TOX3: variants seen among roughly 807,000 people sequenced by gnomAD.
TOX3 encodes the protein CAG trinucleotide repeat-containing gene F9 protein.
Under a neutral mutation model 64.3 loss-of-function variants are expected in TOX3, and 22 were observed. The ratio of observed to expected loss-of-function variants is 0.34; its 90% CI spans 0.24 to 0.49. TOX3 has a LOEUF of 0.49. TOX3 is among the 20% of genes least tolerant of loss of function. TOX3 has a pLI of 0.99. For missense variants in TOX3, 661 were observed against 714.4 expected (o/e 0.93, Z 0.85); for synonymous variants, 291 against 273.6 (o/e 1.06, Z -0.63).
At position 52,439,390 on chromosome 16, in the gene TOX3, C is replaced by T. The variant is rs1168580565; in HGVS notation, c.1566G>A (p.Met522Ile). 1.3e-6 allele frequency: 2 copies of T among 1,595,910 alleles called. No individual in the cohort carries two copies. The highest frequency in any genetic ancestry group is 8.5e-7 in the Non-Finnish European group (1 of 1,170,380). The stretch of plus-strand genomic sequence containing the variant: ...GAGGAGAAGGCTGAGACTGGTGCTG[C>T]ATGTGTTGCAGCTGCTGCAGCTGGA... ...QRLQLQQLQH[M>I]QHQSQPSPRQ... The change falls in exon 7 of 7, where the codon ATG becomes ATA. Residue 522 changes from methionine to isoleucine, a missense_variant. Coordinates refer to ENST00000219746, the MANE Select transcript of TOX3 (RefSeq NM_001080430.4).
At chr16:52,500,150 AC>A (rs1276076105) in intron 1 of TOX3, among the ~76,000 whole-genome samples, 1 of 152,226 alleles carries the variant, frequency 6.6e-6, no homozygotes, top group Non-Finnish European at 1.5e-5. Flanking sequence ...ATTCTTAAAA[AC>A]GTATTAATGT....
At chr16:52,481,199 T>C (rs1961360726) in intron 1 of TOX3, among the ~76,000 whole-genome samples, 1 of 152,224 alleles carries the variant, frequency 6.6e-6, no homozygotes, top group African/African-American at 2.4e-5. Flanking sequence ...TGTGTTGCCT[T>C]TGGATATATC....
rs554990081 is a variant in TOX3, at chr16:52,468,527, C to T, written c.135G>A (p.Ala45=). ...NYMNMAEANN[A]FFAASEQTFH... ...CACCTACCTCACTGGCAGCGAAGAA[C>T]GCATTGTTCGCCTCAGCCATATTCA... is the stretch of plus-strand genomic sequence containing the variant. The change falls in exon 2 of 7, where the codon GCG becomes GCA. Residue 45 remains alanine, a synonymous_variant. Coordinates refer to ENST00000219746, the MANE Select transcript of TOX3 (RefSeq NM_001080430.4). The T allele has an allele frequency of 2.7e-5, 44 of 1,613,042 alleles. No homozygotes were observed. The Admixed American group carries it at 3.7e-4, about 13-fold the overall frequency.
At chr16:52,536,209 T>TAATCAAGA (rs997277220) in intron 1 of TOX3, among the ~76,000 whole-genome samples, 1 of 152,124 alleles carries the variant, frequency 6.6e-6, no homozygotes, top group Non-Finnish European at 1.5e-5. Context: ...AATAAATGAA[T>TAATCAAGA]AATCAAGAAA....
chr16:52,519,460 C>T (rs773423102), intron 1 of TOX3: 5 of 1,551,478 alleles, frequency 3.2e-6, no homozygotes, highest in South Asian at 1.2e-5. Flanking sequence ...GCCTGGCTCC[C>T]GAGCGAGGTT....
intron 1 of TOX3, among the ~76,000 whole-genome samples, chr16:52,499,824 C>A (rs185085815): frequency 5.5e-4 from 84 of 152,280 alleles, no homozygotes; most frequent in Non-Finnish European, 9.1e-4. Flanking sequence ...TTCCAGCCAC[C>A]CTAGGTACAA....
At chr16:52,477,085 G>T (rs1221317976) in intron 1 of TOX3, among the ~76,000 whole-genome samples, 3 of 152,174 alleles carry the variant, frequency 2.0e-5, no homozygotes, top group Non-Finnish European at 4.4e-5. Flanking sequence ...TAGGTACTGA[G>T]TATAGTACCC....
intron 1 of TOX3, among the ~76,000 whole-genome samples, chr16:52,496,395 C>T (rs1961851060): frequency 6.6e-6 from 1 of 152,170 alleles, no homozygotes; most frequent in South Asian, 2.1e-4. Flanking sequence ...TGAAAGATGT[C>T]TTTGTATTGT....
At chr16:52,501,920 A>G (rs887552496) in intron 1 of TOX3, among the ~76,000 whole-genome samples, 4 of 152,156 alleles carry the variant, frequency 2.6e-5, no homozygotes, top group African/African-American at 7.2e-5. Flanking sequence ...ACCATTCCCA[A>G]TTACCTGCAG....
intron 1 of TOX3, among the ~76,000 whole-genome samples, chr16:52,532,308 A>G (rs45577136): frequency 0.013 from 2,047 of 152,292 alleles, 19 homozygotes; most frequent in Non-Finnish European, 0.02. Context: ...TGCTTTAGCC[A>G]GTAGAATGTA....
intron 1 of TOX3, among the ~76,000 whole-genome samples, chr16:52,474,432 G>A (rs1188222259): frequency 6.6e-6 from 1 of 151,868 alleles, no homozygotes; most frequent in Non-Finnish European, 1.5e-5. Context: ...GTTTAGCCTG[G>A]GCAACATAGT....
At position 52,547,088 on chromosome 16, in the gene TOX3, T is replaced by C; in HGVS notation, c.-365A>G. The C allele has an allele frequency of 2.8e-6, 1 of 363,118 alleles. No individual in the cohort carries two copies. The highest frequency in any genetic ancestry group is 3.8e-6 in the Non-Finnish European group (1 of 263,850). The allele number at this position is 363,118 out of a possible 1,614,324, so 22.5% of individuals were successfully genotyped here. On this transcript the variant is annotated 5_prime_UTR_variant, in exon 1 of 7. Transcript: ENST00000219746. The stretch of plus-strand genomic sequence containing the variant: ...CTGGGACGGCGGCGGCGGCGGCGGC[T>C]GGCCCCGCTCCTCCTCCTCCTCCCC...
At position 52,451,464 on chromosome 16, in the gene TOX3, T is replaced by C. The variant is rs1960343914; in HGVS notation, c.409-918A>G. ...CTGCTTATTCTCTATTTTTTTTTAA[T>C]TCCAAAGAATCAAAAAATGAAGACA... On this transcript the variant is annotated intron_variant, in intron 3 of 6. Transcript: ENST00000219746. Among the ~76,000 whole-genome samples the C allele has an allele frequency of 3.9e-5, 6 of 152,182 alleles. 1 individual carries two copies. Among genetic ancestry groups the C allele is most frequent in the Admixed American group, 3.9e-4 (6 of 15,280 alleles).
chr16:52,530,822 C>T (rs1017673241), intron 1 of TOX3, among the ~76,000 whole-genome samples: 7 of 152,160 alleles, frequency 4.6e-5, no homozygotes, highest in East Asian at 1.9e-4. Context: ...AACTTGACTA[C>T]GTTTTCCTTT....
chr16:52,526,652 G>A (rs1298528971), intron 1 of TOX3, among the ~76,000 whole-genome samples: 1 of 152,186 alleles, frequency 6.6e-6, no homozygotes, highest in Non-Finnish European at 1.5e-5. Context: ...AGGGGACATT[G>A]TTGTCTTCAG....
At chr16:52,473,490 C>A (rs1961108754) in intron 1 of TOX3, among the ~76,000 whole-genome samples, 1 of 152,190 alleles carries the variant, frequency 6.6e-6, no homozygotes, top group Non-Finnish European at 1.5e-5. Flanking sequence ...TGAACTGTGC[C>A]ATGATGGATC....
chr16:52,465,673 A>G (rs1202076796), intron 2 of TOX3, among the ~76,000 whole-genome samples: 1 of 151,958 alleles, frequency 6.6e-6, no homozygotes, highest in Non-Finnish European at 1.5e-5. Context: ...CAAGCTATCA[A>G]TCATGATATA....
chr16:52,536,963 A>C (rs1370400782), intron 1 of TOX3, among the ~76,000 whole-genome samples: 4 of 151,974 alleles, frequency 2.6e-5, no homozygotes, highest in African/African-American at 9.6e-5. Flanking sequence ...ATCACAAAGA[A>C]ATAGTTACCA....
intron 1 of TOX3, among the ~76,000 whole-genome samples, chr16:52,523,763 A>G (rs1305129781): frequency 6.6e-6 from 1 of 152,214 alleles, no homozygotes; most frequent in African/African-American, 2.4e-5. Context: ...TTTCACCATA[A>G]AAGAACCCTG....
Sources: gnomAD v4.1 joint callset for allele counts (sites outside exome capture counted in the v4.1 genomes callset) on GRCh38, gnomAD v4.1.1 for gene constraint, MANE v1.5 for transcripts, NCBI Gene and HGNC (gene_info 2026-07-23, HGNC 2026-07-21) for gene names.